The following NOVA1 variants were observed in gnomAD, a reference collection of about 807,000 sequenced individuals.
NOVA1 encodes the protein RNA-binding protein Nova-1.
Under a neutral mutation model 38.0 loss-of-function variants are expected in NOVA1, and 7 were observed. That is an observed-to-expected ratio of 0.18 (90% CI 0.10 to 0.35). NOVA1 has a LOEUF of 0.35. NOVA1 is among the 10% of genes least tolerant of loss of function. The pLI is 1.00. For synonymous variants in NOVA1, 270 were observed against 232.5 expected (o/e 1.16, Z -1.47); for missense variants, 460 against 616.0 (o/e 0.75, Z 2.68).
chr14:26,571,717 G>C (rs1269829725), intron 2 of NOVA1, among the ~76,000 whole-genome samples: 1 of 152,174 alleles, frequency 6.6e-6, no homozygotes, highest in East Asian at 1.9e-4. Flanking sequence ...CAACCTATGA[G>C]AGAGCTACCA....
intron 2 of NOVA1, among the ~76,000 whole-genome samples, chr14:26,490,664 C>T (rs1886263012): frequency 6.6e-6 from 1 of 151,994 alleles, no homozygotes; most frequent in Non-Finnish European, 1.5e-5. Flanking sequence ...ACATCATTTG[C>T]ACACTTTTCA....
chr14:26,494,207 C>T (rs1399821434), intron 2 of NOVA1, among the ~76,000 whole-genome samples: 1 of 152,132 alleles, frequency 6.6e-6, no homozygotes, highest in African/African-American at 2.4e-5. Flanking sequence ...TATCCAAAAC[C>T]TCTTTTATGA....
At chr14:26,509,274 T>C (rs1375088220) in intron 2 of NOVA1, among the ~76,000 whole-genome samples, 1 of 152,058 alleles carries the variant, frequency 6.6e-6, no homozygotes, top group Non-Finnish European at 1.5e-5. Context: ...AACCAGAGTA[T>C]GGAATAATCA....
intron 2 of NOVA1, among the ~76,000 whole-genome samples, chr14:26,552,264 T>C (rs73601957): frequency 0.018 from 2,739 of 152,162 alleles, 71 homozygotes; most frequent in African/African-American, 0.062. Flanking sequence ...ATAGAGTTCA[T>C]GTAAGAACCA....
chr14:26,525,182 C>T (rs1157907585), intron 2 of NOVA1, among the ~76,000 whole-genome samples: 1 of 152,092 alleles, frequency 6.6e-6, no homozygotes, highest in African/African-American at 2.4e-5. Context: ...ATAAGAAAAA[C>T]ATCTGTCTGT....
chr14:26,464,449 GT>G (rs1403151301), intron 4 of NOVA1, among the ~76,000 whole-genome samples: 2 of 152,160 alleles, frequency 1.3e-5, no homozygotes, highest in Non-Finnish European at 2.9e-5. Flanking sequence ...ACTCTATGAT[GT>G]TCACACAACA....
intron 2 of NOVA1, among the ~76,000 whole-genome samples, chr14:26,563,188 A>AGAAGGAAG: frequency 6.6e-6 from 1 of 152,018 alleles, no homozygotes; most frequent in African/African-American, 2.4e-5. Flanking sequence ...GAAGAAAGAA[A>AGAAGGAAG]GAAGGAAGGA....
chr14:26,538,255 A>C (rs1052085677), intron 2 of NOVA1, among the ~76,000 whole-genome samples: 1 of 152,178 alleles, frequency 6.6e-6, no homozygotes, highest in African/African-American at 2.4e-5. Context: ...ATTTGAATCT[A>C]AGTAGTAATC....
In NOVA1 at chr14:26,448,777, G is replaced by C. The variant is rs771051381; in HGVS notation, c.706C>G (p.Leu236Val). 13 of 1,613,988 alleles carry C rather than the reference G, an allele frequency of 8.1e-6. No homozygotes were observed. The highest frequency in any genetic ancestry group is 1.1e-5 in the Non-Finnish European group (13 of 1,180,024). The change falls in exon 5 of 5, where the codon CTT becomes GTT. Residue 236 changes from leucine to valine, a missense_variant. Leu to Val is a conservative substitution (Grantham distance 32). Transcript: ENST00000539517. The surrounding 1 kb of genome is among the most constrained non-coding windows in gnomAD (Gnocchi z 5.3). ...EPEQNRKAVE[L>V]IIQKIQEDPQ... ...TCCTCTTGTATCTTCTGGATGATAA[G>C]TTCAACAGCTTTTCGGTTTTGTTCA... is the stretch of plus-strand genomic sequence containing the variant.
At chr14:26,455,155 A>G (rs139950558) in intron 4 of NOVA1, among the ~76,000 whole-genome samples, 57 of 152,284 alleles carry the variant, frequency 3.7e-4, no homozygotes, top group Middle Eastern at 6.8e-3. Context: ...AACAGTTTTC[A>G]TAGCATTGTC....
intron 2 of NOVA1, among the ~76,000 whole-genome samples, chr14:26,486,152 T>C (rs1418212279): frequency 6.6e-6 from 1 of 152,188 alleles, no homozygotes; most frequent in Non-Finnish European, 1.5e-5. Flanking sequence ...AAGAAATATC[T>C]TGCAATATAT....
chr14:26,503,320 G>A lies in NOVA1; in HGVS notation c.281-23177C>T, dbSNP rs145377489. Among the ~76,000 whole-genome samples the A allele has an allele frequency of 3.3e-3, 502 of 151,868 alleles. 3 individuals carry two copies. The highest frequency in any genetic ancestry group is 5.4e-3 in the Non-Finnish European group (368 of 67,866). On this transcript the variant is annotated intron_variant, in intron 2 of 4. Transcript: ENST00000539517. Reference sequence around the variant, plus strand: ...ACACACCCACATGCACACATACCCTGGCACAATCACACCAAAGGAAGAATG... The same window carrying A: ...ACACACCCACATGCACACATACCCTAGCACAATCACACCAAAGGAAGAATG...
chr14:26,560,480 T>C (rs566142028), intron 2 of NOVA1, among the ~76,000 whole-genome samples: 50 of 152,244 alleles, frequency 3.3e-4, no homozygotes, highest in Middle Eastern at 6.8e-3. Flanking sequence ...AGGGATAAAA[T>C]TGCCTCGTTT....
rs1023741781 is a variant in NOVA1, at chr14:26,443,964, T to C, written c.*3995A>G. On this transcript the variant is annotated 3_prime_UTR_variant, in exon 5 of 5. Transcript: ENST00000539517. The stretch of plus-strand genomic sequence containing the variant: ...AATTATATTTTCATCTCTCAATTGC[T>C]GCCTTCGAAAGCAAGAATTCCCTTC... 6.6e-6 allele frequency: 1 copy of C among 152,104 alleles called. No homozygotes were observed. Among genetic ancestry groups the C allele is most frequent in the Non-Finnish European group, 1.5e-5 (1 of 67,976 alleles). The allele number at this position is 152,104 out of a possible 1,614,324, so 9.4% of individuals were successfully genotyped here.
At chr14:26,567,031 G>C (rs1054687978) in intron 2 of NOVA1, among the ~76,000 whole-genome samples, 1 of 151,878 alleles carries the variant, frequency 6.6e-6, no homozygotes, top group African/African-American at 2.4e-5. Context: ...CATGAAAATG[G>C]AAGAAATAAC....
chr14:26,524,679 T>A (rs931389337), intron 2 of NOVA1, among the ~76,000 whole-genome samples: 4 of 152,176 alleles, frequency 2.6e-5, no homozygotes, highest in Admixed American at 1.3e-4. Context: ...TATTTGGAAC[T>A]CTTTTCTTCC....
chr14:26,570,628 A>G (rs1892417070), intron 2 of NOVA1, among the ~76,000 whole-genome samples: 1 of 152,142 alleles, frequency 6.6e-6, no homozygotes, highest in African/African-American at 2.4e-5. Context: ...ACACATGTAT[A>G]TATGCATATA....
intron 2 of NOVA1, among the ~76,000 whole-genome samples, chr14:26,552,198 T>TA (rs1177098557): frequency 6.6e-6 from 1 of 151,882 alleles, no homozygotes; most frequent in Non-Finnish European, 1.5e-5. Context: ...GGCACAGAAG[T>TA]AAAGAGAAGC....
At chr14:26,579,440 C>T (rs1893075449) in intron 2 of NOVA1, among the ~76,000 whole-genome samples, 1 of 152,102 alleles carries the variant, frequency 6.6e-6, no homozygotes, top group Admixed American at 6.6e-5. Flanking sequence ...TTTATTTCTT[C>T]CACAAAGCAA....
Sources: allele counts gnomAD v4.1 joint callset (sites outside exome capture counted in the v4.1 genomes callset), GRCh38; gene constraint gnomAD v4.1.1; non-coding constraint Gnocchi (gnomAD v3.1); transcripts MANE v1.5; gene names NCBI Gene and HGNC (gene_info 2026-07-23, HGNC 2026-07-21).